ARHGAP44: variants seen among roughly 807,000 people sequenced by gnomAD.
The protein encoded by ARHGAP44 is rho GTPase-activating protein 44.
Under a neutral mutation model 106.8 loss-of-function variants are expected in ARHGAP44, and 43 were observed. The observed-to-expected ratio is 0.40, with a 90% CI of 0.32 to 0.52. ARHGAP44 has a LOEUF of 0.52. Ranked by LOEUF, ARHGAP44 falls within the 20% of genes least tolerant of loss-of-function variation. The probability of loss-of-function intolerance (pLI) is 0.48; values close to 1 mark genes in which losing one functional copy is unlikely to be tolerated. For synonymous variants in ARHGAP44, 439 were observed against 410.3 expected (o/e 1.07, Z -0.85); for missense variants, 866 against 1,050.5 (o/e 0.82, Z 2.43).
chr17:12,925,302 A>G (rs1038821445), intron 6 of ARHGAP44, among the ~76,000 whole-genome samples: 45 of 152,174 alleles, frequency 3.0e-4, no homozygotes, highest in African/African-American at 9.4e-4. Flanking sequence ...GACTTGGATC[A>G]GAGGCCCTCA....
chr17:12,946,761 A>T (rs1254545746), intron 10 of ARHGAP44, among the ~76,000 whole-genome samples: 1 of 151,434 alleles, frequency 6.6e-6, no homozygotes, highest in African/African-American at 2.4e-5. Context: ...AGATCACGCC[A>T]CTGCACTCCA....
At chr17:12,792,901 A>G (rs1172501267) in intron 1 of ARHGAP44, among the ~76,000 whole-genome samples, 2 of 152,222 alleles carry the variant, frequency 1.3e-5, no homozygotes, top group Non-Finnish European at 2.9e-5. Context: ...GATAAAACCC[A>G]TTGTATTTAA....
In ARHGAP44 at chr17:12,908,799, A is replaced by C. The variant is rs1366098060; in HGVS notation, c.199-98A>C. Reference sequence around the variant, plus strand: ...TTTAAAGTTAGCTTGTTTCATAGTTAATATAATACCTTGGCAAGTATTTGA... The same window carrying C: ...TTTAAAGTTAGCTTGTTTCATAGTTCATATAATACCTTGGCAAGTATTTGA... On this transcript the variant is annotated intron_variant, in intron 3 of 20. Transcript: ENST00000379672. 6.6e-6 allele frequency: 6 copies of C among 904,356 alleles called. No homozygotes were observed. The Admixed American group carries it at 1.2e-4, about 18-fold the overall frequency. The allele number at this position is 904,356 out of a possible 1,614,324, so 56.0% of individuals were successfully genotyped here. A position where few individuals can be genotyped will look rare whatever the true frequency, so the allele number is the denominator to read the frequency against.
intron 6 of ARHGAP44, 87 bp from the exon 7 acceptor site, chr17:12,928,842 T>C: frequency 8.3e-7 from 1 of 1,198,406 alleles, no homozygotes; most frequent in Non-Finnish European, 1.2e-6. Flanking sequence ...CTGGGTGATA[T>C]TTGTAACCAG....
intron 1 of ARHGAP44, among the ~76,000 whole-genome samples, chr17:12,862,590 C>G (rs933155421): frequency 1.3e-5 from 2 of 152,122 alleles, no homozygotes; most frequent in Non-Finnish European, 2.9e-5. Context: ...AGGTTCTTAC[C>G]AGGTCTTTCA....
chr17:12,894,158 C>T (rs2037130036), intron 1 of ARHGAP44, among the ~76,000 whole-genome samples: 1 of 151,960 alleles, frequency 6.6e-6, no homozygotes, highest in Non-Finnish European at 1.5e-5. Flanking sequence ...GTTGTTTCTT[C>T]TTTCTCTGTA....
chr17:12,967,794 AG>A (rs1210290925), intron 16 of ARHGAP44, among the ~76,000 whole-genome samples: 6 of 152,174 alleles, frequency 3.9e-5, no homozygotes, highest in Non-Finnish European at 8.8e-5. Context: ...AGACTTTAAA[AG>A]AAGCATGCCA....
At chr17:12,967,577 C>T (rs553798041) in intron 16 of ARHGAP44, among the ~76,000 whole-genome samples, 1 of 152,108 alleles carries the variant, frequency 6.6e-6, no homozygotes, top group South Asian at 2.1e-4. Context: ...CTTCTCACTT[C>T]GAGTAAAAGG....
At chr17:12,900,727 A>C (rs2037350008) in intron 3 of ARHGAP44, among the ~76,000 whole-genome samples, 1 of 152,092 alleles carries the variant, frequency 6.6e-6, no homozygotes, top group African/African-American at 2.4e-5. Context: ...CTCACAGTGC[A>C]TTCGCTGCTC....
intron 1 of ARHGAP44, among the ~76,000 whole-genome samples, chr17:12,845,585 C>T (rs1413507647): frequency 6.6e-6 from 1 of 151,702 alleles, no homozygotes; most frequent in Non-Finnish European, 1.5e-5. Context: ...CCTTATCTGT[C>T]TTGCTTCTCA....
intron 1 of ARHGAP44, among the ~76,000 whole-genome samples, chr17:12,858,910 A>C (rs1371108101): frequency 6.6e-6 from 1 of 152,216 alleles, no homozygotes; most frequent in Non-Finnish European, 1.5e-5. Context: ...AATGAGAGCC[A>C]AGTGAAAGGG....
At position 12,991,607 on chromosome 17, in the gene ARHGAP44, A is replaced by T. The variant is rs1025636323; in HGVS notation, c.*1436A>T. The T allele has an allele frequency of 5.5e-6, 1 of 182,520 alleles. No homozygotes were observed. The highest frequency in any genetic ancestry group is 2.4e-5 in the African/African-American group (1 of 42,464). The allele number at this position is 182,520 out of a possible 1,614,324, so 11.3% of individuals were successfully genotyped here. The stretch of plus-strand genomic sequence containing the variant: ...TTAAATACATGTACAAATCGTTGTC[A>T]AAAGTAACGTTATTAAAATAGATTT... On this transcript the variant is annotated 3_prime_UTR_variant, in exon 21 of 21. Coordinates refer to ENST00000379672, the MANE Select transcript of ARHGAP44 (RefSeq NM_014859.6).
At chr17:12,959,103 T>C (rs2039198522) in intron 16 of ARHGAP44, 1 of 600,706 alleles carries the variant, frequency 1.7e-6, no homozygotes, top group African/African-American at 1.9e-5. Context: ...AGTGTAGCCT[T>C]CTTAGCTGAC....
At chr17:12,932,629 A>G (rs1567694868) in intron 7 of ARHGAP44, among the ~76,000 whole-genome samples, 1 of 151,760 alleles carries the variant, frequency 6.6e-6, no homozygotes, top group Non-Finnish European at 1.5e-5. Context: ...TTTTAAATTC[A>G]TGTTATACAC....
rs73294396 is a variant in ARHGAP44 at position 12,987,233 on chromosome 17, C to A, written c.2317+2325C>A. On this transcript the variant is annotated intron_variant, in intron 20 of 20. Coordinates refer to ENST00000379672, the MANE Select transcript of ARHGAP44 (RefSeq NM_014859.6). ...CGCTCCTCCCCTCCGCTCCTCGTCT[C>A]TGCATGTGGCTCAGACCATTTGCAT... The A allele has an allele frequency of 1.3e-3, 1,721 of 1,280,260 alleles. 20 individuals carry two copies. The African/African-American group carries it at 0.022, about 16-fold the overall frequency. The allele number at this position is 1,280,260 out of a possible 1,614,324, so 79.3% of individuals were successfully genotyped here.
Position 12,984,681 on chromosome 17 carries a change from G to T in ARHGAP44, c.2090G>T (p.Gly697Val). ...CCCTATGGACTGAGCTACCCTCAGG[G>T]GTACTCCTTGGCCTCGGGCCAGCTC... ...PSPYGLSYPQ[G>V]YSLASGQLSP... is the part of the protein sequence containing the mutation. The change falls in exon 20 of 21, where the codon GGG (glycine) becomes GTG (valine). Residue 697 changes from glycine to valine, a missense_variant. Coordinates refer to ENST00000379672, the MANE Select transcript of ARHGAP44 (RefSeq NM_014859.6). The T allele has an allele frequency of 1.2e-6, 2 of 1,613,406 alleles. No homozygotes were observed. Among genetic ancestry groups the T allele is most frequent in the Non-Finnish European group, 1.7e-6 (2 of 1,179,652 alleles).
chr17:12,991,453 AC>A lies in ARHGAP44; in HGVS notation c.*1285del, dbSNP rs2040145902. On this transcript the variant is annotated 3_prime_UTR_variant, in exon 21 of 21. Transcript: ENST00000379672. ...ATTTTTCCCAACACAGTGTAAAGTC[AC>A]CCTCCTCTGAGAGTGGGATGTGCAG... The A allele has an allele frequency of 5.9e-6, 1 of 169,446 alleles. No individual in the cohort carries two copies. Among genetic ancestry groups the A allele is most frequent in the Admixed American group, 6.4e-5 (1 of 15,614 alleles). 10.5% of individuals were successfully genotyped at this position (169,446 alleles called of 1,614,324 possible).
rs1226226156 is a variant in ARHGAP44, at chr17:12,974,625, G to GC, written c.1763+321dup. ...TTCCTCTGTCTTTGTCGTTACAGTG[G>GC]CCCCCCATATCCGTGGGAGATACAT... is the stretch of plus-strand genomic sequence containing the variant. On this transcript the variant is annotated intron_variant, in intron 18 of 20. Coordinates refer to ENST00000379672, the MANE Select transcript of ARHGAP44 (RefSeq NM_014859.6). Among the ~76,000 whole-genome samples the GC allele has an allele frequency of 3.3e-5, 5 of 152,062 alleles. No individual in the cohort carries two copies. In the East Asian group the frequency reaches 5.8e-4, roughly 18 times the overall value.
chr17:12,956,511 C>T (rs1286688293), intron 14 of ARHGAP44, 144 bp from the exon 15 acceptor site: 2 of 651,036 alleles, frequency 3.1e-6, no homozygotes, highest in East Asian at 2.7e-5. Flanking sequence ...GATTCCCTCC[C>T]AAGAGAAAGT....
Sources: allele counts gnomAD v4.1 joint callset (sites outside exome capture counted in the v4.1 genomes callset), GRCh38; gene constraint gnomAD v4.1.1; transcripts MANE v1.5; gene names NCBI Gene and HGNC (gene_info 2026-07-23, HGNC 2026-07-21).